Variants in MGAT4C observed in about 807,000 individuals in gnomAD.
The protein encoded by MGAT4C is alpha-1,3-mannosyl-glycoprotein 4-beta-N-acetylglucosaminyltransferase C.
Under a neutral mutation model 40.1 loss-of-function variants are expected in MGAT4C, and 19 were observed. That is an observed-to-expected ratio of 0.47 (90% CI 0.33 to 0.70). The LOEUF is 0.70. Among genes scored for constraint, MGAT4C ranks in the 30% least tolerant of loss-of-function variants. MGAT4C has a pLI of 0.02. For synonymous variants in MGAT4C, 181 were observed against 187.1 expected, an observed-to-expected ratio of 0.97 and a Z score of 0.27; for missense variants, 491 against 563.2, an observed-to-expected ratio of 0.87 and a Z score of 1.30.
intron 1 of MGAT4C, among the ~76,000 whole-genome samples, chr12:86,120,657 A>G (rs1879233553): frequency 6.6e-6 from 1 of 152,218 alleles, no homozygotes; most frequent in Non-Finnish European, 1.5e-5. Context: ...AGCAAACTCC[A>G]ACAGACTTGC....
intron 2 of MGAT4C, among the ~76,000 whole-genome samples, chr12:86,675,505 A>G (rs915875990): frequency 3.9e-5 from 6 of 152,242 alleles, no homozygotes; most frequent in Non-Finnish European, 4.4e-5. Context: ...GCTTTTAAAG[A>G]TTGTATGTAA....
chr12:86,748,946 C>CTT (rs376881850), intron 1 of MGAT4C, among the ~76,000 whole-genome samples: 7 of 141,552 alleles, frequency 4.9e-5, no homozygotes, highest in African/African-American at 1.3e-4. Context: ...TTCTTTTAAC[C>CTT]TTTTTTTTTT....
intron 2 of MGAT4C, chr12:86,002,487 T>C (rs1339513713): frequency 6.6e-6 from 1 of 151,974 alleles, no homozygotes; most frequent in Non-Finnish European, 1.5e-5. Flanking sequence ...AACTATAAAG[T>C]AGAGGAAATA....
intron 3 of MGAT4C, among the ~76,000 whole-genome samples, chr12:86,346,176 C>G (rs1208782623): frequency 3.3e-5 from 5 of 152,132 alleles, no homozygotes; most frequent in Admixed American, 3.3e-4. Flanking sequence ...GGCCACCTAT[C>G]ATTTGCTATA....
intron 4 of MGAT4C, among the ~76,000 whole-genome samples, chr12:86,278,110 T>C (rs1953122192): frequency 2.0e-5 from 3 of 151,880 alleles, no homozygotes; most frequent in African/African-American, 7.2e-5. Context: ...TTTTTTCACT[T>C]CTTTGGTTAA....
At chr12:86,349,108 T>C (rs1955103069) in intron 3 of MGAT4C, among the ~76,000 whole-genome samples, 1 of 152,190 alleles carries the variant, frequency 6.6e-6, no homozygotes, top group Admixed American at 6.6e-5. Context: ...ATTTCCACTA[T>C]ATTTTACAGA....
chr12:86,329,272 G>A (rs1017137447), intron 4 of MGAT4C, among the ~76,000 whole-genome samples: 7 of 152,038 alleles, frequency 4.6e-5, no homozygotes, highest in Non-Finnish European at 7.4e-5. Flanking sequence ...GGCCGGGCGT[G>A]GTGGCTCACG....
intron 1 of MGAT4C, among the ~76,000 whole-genome samples, chr12:86,131,099 G>T (rs1881107725): frequency 6.6e-6 from 1 of 152,066 alleles, no homozygotes; most frequent in Non-Finnish European, 1.5e-5. Context: ...CACAGCATTT[G>T]AAATAGACAG....
Position 85,958,220 on chromosome 12 carries a change from C to T in MGAT4C, c.*21069G>A, listed in dbSNP as rs1882920829. 2 of 152,054 alleles carry T rather than the reference C, an allele frequency of 1.3e-5. No individual in the cohort carries two copies. Among genetic ancestry groups the T allele is most frequent in the Non-Finnish European group, 2.9e-5 (2 of 68,050 alleles). The allele number at this position is 152,054 out of a possible 1,614,324, so 9.4% of individuals were successfully genotyped here. A position where few individuals can be genotyped will look rare whatever the true frequency, so the allele number is the denominator to read the frequency against. On this transcript the variant is annotated 3_prime_UTR_variant, in exon 5 of 5. Transcript: ENST00000611864. Reference sequence around the variant, plus strand: ...CTGAGTAGCTAGGACCACAGGCGTGCTCTACCACACTCAGATAATGTTTTG... The same window carrying T: ...CTGAGTAGCTAGGACCACAGGCGTGTTCTACCACACTCAGATAATGTTTTG...
At chr12:86,138,419 T>G (rs1383357396) in intron 1 of MGAT4C, among the ~76,000 whole-genome samples, 4 of 150,170 alleles carry the variant, frequency 2.7e-5, no homozygotes, top group African/African-American at 7.3e-5. Flanking sequence ...TCAATGTATC[T>G]CAATGATCTA....
At chr12:86,077,323 A>G (rs1869924575) in intron 1 of MGAT4C, among the ~76,000 whole-genome samples, 1 of 152,218 alleles carries the variant, frequency 6.6e-6, no homozygotes, top group Non-Finnish European at 1.5e-5. Flanking sequence ...ATGCAACCAG[A>G]AATGCACCAT....
At chr12:86,657,260 T>C (rs772557812) in intron 2 of MGAT4C, among the ~76,000 whole-genome samples, 3 of 151,850 alleles carry the variant, frequency 2.0e-5, no homozygotes, top group Non-Finnish European at 4.4e-5. Context: ...GTGAAAACAA[T>C]GTAAGTGGGG....
chr12:86,668,709 G>A (rs1162379886), intron 2 of MGAT4C, among the ~76,000 whole-genome samples: 1 of 152,208 alleles, frequency 6.6e-6, no homozygotes, highest in Non-Finnish European at 1.5e-5. Flanking sequence ...TGCCTCAGCA[G>A]TAGATGGTGG....
chr12:86,105,768 C>T (rs894700546), intron 1 of MGAT4C, among the ~76,000 whole-genome samples: 30 of 152,114 alleles, frequency 2.0e-4, no homozygotes, highest in African/African-American at 6.8e-4. Flanking sequence ...TAATATATTT[C>T]TACTCCATTA....
chr12:86,080,606 C>T (rs1047869947), intron 1 of MGAT4C, among the ~76,000 whole-genome samples: 3 of 152,098 alleles, frequency 2.0e-5, no homozygotes, highest in Admixed American at 6.5e-5. Context: ...CACATGCACA[C>T]GCACCCACAC....
rs1882870112 is a variant in MGAT4C, at chr12:85,957,657, C to CAAAAAAAAGAAAAAAAAAAGAAAA, written c.*21631_*21632insTTTTCTTTTTTTTTTCTTTTTTTT. The CAAAAAAAAGAAAAAAAAAAGAAAA allele has an allele frequency of 9.9e-6, 1 of 101,306 alleles. No individual in the cohort carries two copies. Among genetic ancestry groups the CAAAAAAAAGAAAAAAAAAAGAAAA allele is most frequent in the Non-Finnish European group, 1.9e-5 (1 of 52,742 alleles). 6.3% of individuals were successfully genotyped at this position (101,306 alleles called of 1,614,324 possible). Reference sequence around the variant, plus strand: ...TTTACTGTAGAGTTGAATAAGAAAGCAAAAAAAAAAAAAAAAGAAAAAAGA... The same window carrying CAAAAAAAAGAAAAAAAAAAGAAAA: ...TTTACTGTAGAGTTGAATAAGAAAGCAAAAAAAAGAAAAAAAAAAGAAAAAAAAAAAAAAAAAAAAGAAAAAAGA... On this transcript the variant is annotated 3_prime_UTR_variant, in exon 5 of 5. Transcript: ENST00000611864.
chr12:86,218,431 T>C (rs1291931359), intron 1 of MGAT4C, among the ~76,000 whole-genome samples: 1 of 152,202 alleles, frequency 6.6e-6, no homozygotes, highest in Non-Finnish European at 1.5e-5. Flanking sequence ...TTGAGACACC[T>C]CAAAAGGCTC....
At chr12:86,462,204 T>C (rs1957612554) in intron 2 of MGAT4C, among the ~76,000 whole-genome samples, 1 of 152,228 alleles carries the variant, frequency 6.6e-6, no homozygotes, top group Non-Finnish European at 1.5e-5. Flanking sequence ...TTAAACATAA[T>C]GTTTCTTTAG....
rs563124390 is a variant in MGAT4C, at chr12:86,040,102, T to C, written c.-7+9572A>G. 6.8e-4 allele frequency among the ~76,000 whole-genome samples: 104 copies of C among 152,298 alleles called. 1 individual carries two copies. Among genetic ancestry groups the C allele is most frequent in the Non-Finnish European group, 1.2e-3 (80 of 68,030 alleles). On this transcript the variant is annotated intron_variant, in intron 2 of 4. Coordinates refer to ENST00000611864, the MANE Select transcript of MGAT4C (RefSeq NM_001351288.2). Reference sequence around the variant, plus strand: ...TGCCTATTCCTTCCTCTAGAAGCTTTGTCCCAGAGGGGCACCTGCCAGATG... The same window carrying C: ...TGCCTATTCCTTCCTCTAGAAGCTTCGTCCCAGAGGGGCACCTGCCAGATG...
Sources: gnomAD v4.1 joint callset for allele counts (sites outside exome capture counted in the v4.1 genomes callset) on GRCh38, gnomAD v4.1.1 for gene constraint, MANE v1.5 for transcripts, NCBI Gene and HGNC (gene_info 2026-07-23, HGNC 2026-07-21) for gene names.